ILDR2: variants seen among roughly 807,000 people sequenced by gnomAD.
ILDR2 encodes the protein immunoglobulin like domain containing receptor 2, also known as immunoglobulin-like domain-containing receptor 2.
ILDR2 carries 25 observed loss-of-function variants against 66.8 expected under a neutral mutation model. The ratio of observed to expected loss-of-function variants is 0.37; its 90% CI spans 0.27 to 0.52. The LOEUF is 0.52. Ranked by LOEUF, ILDR2 falls within the 20% of genes least tolerant of loss-of-function variation. The probability of loss-of-function intolerance (pLI) is 0.88; values close to 1 mark genes in which losing one functional copy is unlikely to be tolerated. For synonymous variants in ILDR2, 367 were observed against 357.2 expected, an observed-to-expected ratio of 1.03 and a Z score of -0.31; for missense variants, 827 against 876.8, an observed-to-expected ratio of 0.94 and a Z score of 0.72.
rs1659407969 is a variant in ILDR2, at chr1:166,909,125, T to G, written c.*10230A>C. The G allele has an allele frequency of 6.6e-6, 1 of 152,220 alleles. No individual in the cohort carries two copies. Among genetic ancestry groups the G allele is most frequent in the Non-Finnish European group, 1.5e-5 (1 of 68,040 alleles). 9.4% of individuals were successfully genotyped at this position (152,220 alleles called of 1,614,324 possible). A position where few individuals can be genotyped will look rare whatever the true frequency, so the allele number is the denominator to read the frequency against. On this transcript the variant is annotated 3_prime_UTR_variant, in exon 10 of 10. Coordinates refer to ENST00000271417, the MANE Select transcript of ILDR2 (RefSeq NM_199351.3). The stretch of plus-strand genomic sequence containing the variant: ...CTTGCCACATCTCTGGCCACATGAT[T>G]AGCTCAGATATGGGCACATGACTCA...
intron 4 of ILDR2, among the ~76,000 whole-genome samples, chr1:166,937,288 T>A (rs1307560368): frequency 1.3e-5 from 2 of 152,236 alleles, no homozygotes; most frequent in Non-Finnish European, 1.5e-5. Flanking sequence ...CTGCTTTCCC[T>A]GCTGACTGTC....
rs572791487 is a variant in ILDR2 at position 166,964,542 on chromosome 1, C to T, written c.47-6441G>A. 5.9e-5 allele frequency among the ~76,000 whole-genome samples: 9 copies of T among 152,234 alleles called. 1 individual carries two copies. Among genetic ancestry groups the T allele is most frequent in the South Asian group, 2.1e-4 (1 of 4,816 alleles). ...AATGAATTAATGAATGAATGAAAAC[C>T]GAACCTGTGAGTCTGAGGGGCCTTT... On this transcript the variant is annotated intron_variant, in intron 1 of 9. Transcript: ENST00000271417.
rs1032999574 is a variant in ILDR2 at position 166,921,486 on chromosome 1, G to A, written c.1212-107C>T. ...CCTGGGGCCACGCTCAGGAGACCTC[G>A]GCCTGAGCCTCAGCTCCGCTCCAGG... On this transcript the variant is annotated intron_variant, in intron 8 of 9. Transcript: ENST00000271417. The surrounding 1 kb of genome is among the most constrained non-coding windows in gnomAD (Gnocchi z 5.3). 1.6e-4 allele frequency: 146 copies of A among 919,426 alleles called. No individual in the cohort carries two copies. The East Asian group carries it at 3.8e-3, about 24-fold the overall frequency. 57.0% of individuals were successfully genotyped at this position (919,426 alleles called of 1,614,324 possible). A position where few individuals can be genotyped will look rare whatever the true frequency, so the allele number is the denominator to read the frequency against.
chr1:166,909,924 C>G lies in ILDR2; in HGVS notation c.*9431G>C, dbSNP rs2101822361. 6.6e-6 allele frequency: 1 copy of G among 150,852 alleles called. No individual in the cohort carries two copies. The highest frequency in any genetic ancestry group is 3.4e-3 in the Middle Eastern group (1 of 294). The allele number at this position is 150,852 out of a possible 1,614,324, so 9.3% of individuals were successfully genotyped here. A position where few individuals can be genotyped will look rare whatever the true frequency, so the allele number is the denominator to read the frequency against. On this transcript the variant is annotated 3_prime_UTR_variant, in exon 10 of 10. Transcript: ENST00000271417. The stretch of plus-strand genomic sequence containing the variant: ...GTAACAAAATGTGAGAAAATATCTC[C>G]AGAGAGCAAGGATTGTTTTAAAAAA...
chr1:166,973,993 T>TG (rs1663459139), intron 1 of ILDR2, among the ~76,000 whole-genome samples: 1 of 152,152 alleles, frequency 6.6e-6, no homozygotes, highest in Non-Finnish European at 1.5e-5. Context: ...CTAAGGGAAA[T>TG]GGGGTATTTG....
intron 6 of ILDR2, among the ~76,000 whole-genome samples, chr1:166,931,804 A>T (rs1660653713): frequency 6.6e-6 from 1 of 152,236 alleles, no homozygotes; most frequent in Admixed American, 6.5e-5. Context: ...GTTTGGGCTA[A>T]AAGGTGGACA....
rs1458196467 is a variant in ILDR2, at chr1:166,913,818, A to G, written c.*5537T>C. ...TATATTACCCCTCACAGCACAGGTGATGAAAGTGAGGCTCTCAGCTGGGTT... is the reference window on the plus strand; with the variant it reads ...TATATTACCCCTCACAGCACAGGTGGTGAAAGTGAGGCTCTCAGCTGGGTT... On this transcript the variant is annotated 3_prime_UTR_variant, in exon 10 of 10. Transcript: ENST00000271417. 6.6e-6 allele frequency: 1 copy of G among 152,156 alleles called. No individual in the cohort carries two copies. Among genetic ancestry groups the G allele is most frequent in the Non-Finnish European group, 1.5e-5 (1 of 68,042 alleles). The allele number at this position is 152,156 out of a possible 1,614,324, so 9.4% of individuals were successfully genotyped here.
rs896261943 is a variant in ILDR2 at position 166,914,978 on chromosome 1, T to C, written c.*4377A>G. ...TGGCCAGTCATCCTTATGATTTGTA[T>C]GCTTTATAAAATGATTGAGTTTTTC... On this transcript the variant is annotated 3_prime_UTR_variant, in exon 10 of 10. Coordinates refer to ENST00000271417, the MANE Select transcript of ILDR2 (RefSeq NM_199351.3). 7 of 152,262 alleles carry C rather than the reference T, an allele frequency of 4.6e-5. No individual in the cohort carries two copies. The highest frequency in any genetic ancestry group is 1.7e-4 in the African/African-American group (7 of 41,470). The allele number at this position is 152,262 out of a possible 1,614,324, so 9.4% of individuals were successfully genotyped here.
chr1:166,916,309 A>G lies in ILDR2; in HGVS notation c.*3046T>C, dbSNP rs1376108898. On this transcript the variant is annotated 3_prime_UTR_variant, in exon 10 of 10. Coordinates refer to ENST00000271417, the MANE Select transcript of ILDR2 (RefSeq NM_199351.3). The stretch of plus-strand genomic sequence containing the variant: ...ATGGACAAACACATACAACACTTTA[A>G]TATCAAAGTATTCTCATTTTTTAAA... 6.6e-6 allele frequency: 1 copy of G among 152,216 alleles called. No homozygotes were observed. Among genetic ancestry groups the G allele is most frequent in the Non-Finnish European group, 1.5e-5 (1 of 68,030 alleles). 9.4% of individuals were successfully genotyped at this position (152,216 alleles called of 1,614,324 possible).
Position 166,948,933 on chromosome 1 carries a change from A to C in ILDR2, c.499+7800T>G, listed in dbSNP as rs78283259. Among the ~76,000 whole-genome samples the C allele has an allele frequency of 2.7e-3, 416 of 152,192 alleles. 1 individual carries two copies. Among genetic ancestry groups the C allele is most frequent in the African/African-American group, 9.8e-3 (405 of 41,536 alleles). ...ATAGGTCTTCCGTGTAAATTTTATT[A>C]CCCCTCCCCATTTATTCAGCTAAGG... On this transcript the variant is annotated intron_variant, in intron 3 of 9. Transcript: ENST00000271417.
exon 3 of ILDR2, chr1:166,895,858 A>G (rs1202171325): frequency 6.6e-6 from 1 of 152,230 alleles, no homozygotes; most frequent in Admixed American, 6.5e-5. Flanking sequence ...AAAATTGTAT[A>G]ATCTAATGCC....
At position 166,936,732 on chromosome 1, in the gene ILDR2, C is replaced by T. The variant is rs1388526564; in HGVS notation, c.562G>A (p.Val188Met). 1 of 1,614,028 alleles carries T rather than the reference C, an allele frequency of 6.2e-7. No homozygotes were observed. The highest frequency in any genetic ancestry group is 1.1e-5 in the South Asian group (1 of 91,050). ...SFAVEIMPEWVFVGLVLLGVF... is the reference protein window; with the variant it reads ...SFAVEIMPEWMFVGLVLLGVF... ...CCCAGGAGCACCAGGCCAACAAACACCCACTCTGGAAGGATGCACAAAGAA... is the reference window on the plus strand; with the variant it reads ...CCCAGGAGCACCAGGCCAACAAACATCCACTCTGGAAGGATGCACAAAGAA... Residue 188 changes from valine to methionine, a missense_variant, in exon 5 of 10, where the codon GTG becomes ATG. This residue lies in a region of ILDR2 where 437 missense variants were observed against 523.2 expected (regional missense o/e 0.84). Coordinates refer to ENST00000271417, the MANE Select transcript of ILDR2 (RefSeq NM_199351.3). The surrounding 1 kb of genome is among the most constrained non-coding windows in gnomAD (Gnocchi z 5.0).
chr1:166,959,342 C>T (rs2101988155), intron 1 of ILDR2, among the ~76,000 whole-genome samples: 1 of 152,308 alleles, frequency 6.6e-6, no homozygotes, highest in South Asian at 2.1e-4. Context: ...TGGAAGGTAT[C>T]TTCCCTTGCT....
chr1:166,901,800 A>C (rs1191646624), intron 2 of ILDR2, among the ~76,000 whole-genome samples: 1 of 152,248 alleles, frequency 6.6e-6, no homozygotes, highest in Non-Finnish European at 1.5e-5. Flanking sequence ...GTGTTAACAA[A>C]ATACAGCCAC....
intron 7 of ILDR2, among the ~76,000 whole-genome samples, chr1:166,925,460 C>T (rs908146861): frequency 1.2e-4 from 18 of 152,154 alleles, no homozygotes; most frequent in Non-Finnish European, 1.6e-4. Context: ...GTGAAGGGGA[C>T]GGATTCAACA....
rs1659566292 is a variant in ILDR2 at position 166,914,389 on chromosome 1, C to G, written c.*4966G>C. ...TTAAGGAATTGGAAAGGACACCAGA[C>G]AAGACAGTCAGAAGGCCTGGCTTTA... On this transcript the variant is annotated 3_prime_UTR_variant, in exon 10 of 10. Coordinates refer to ENST00000271417, the MANE Select transcript of ILDR2 (RefSeq NM_199351.3). 6.6e-6 allele frequency: 1 copy of G among 152,176 alleles called. No homozygotes were observed. Among genetic ancestry groups the G allele is most frequent in the Admixed American group, 6.5e-5 (1 of 15,282 alleles). The allele number at this position is 152,176 out of a possible 1,614,324, so 9.4% of individuals were successfully genotyped here. A position where few individuals can be genotyped will look rare whatever the true frequency, so the allele number is the denominator to read the frequency against.
At chr1:166,901,603 T>G (rs1345442853) in intron 2 of ILDR2, among the ~76,000 whole-genome samples, 1 of 152,188 alleles carries the variant, frequency 6.6e-6, no homozygotes, top group Admixed American at 6.5e-5. Context: ...GGCTGATTTC[T>G]CAAATGTTAT....
intron 3 of ILDR2, among the ~76,000 whole-genome samples, chr1:166,956,060 T>C (rs1662261888): frequency 6.6e-6 from 1 of 152,220 alleles, no homozygotes; most frequent in South Asian, 2.1e-4. Flanking sequence ...CCACTGACAT[T>C]CCTCCAATCC....
At position 166,927,328 on chromosome 1, in the gene ILDR2, A is replaced by T. The variant is rs1660359333; in HGVS notation, c.881-148T>A. ...CAGAAATAACGATCTATATTTATACATATGGGACCATATCTGTGATCCCCT... is the reference window on the plus strand; with the variant it reads ...CAGAAATAACGATCTATATTTATACTTATGGGACCATATCTGTGATCCCCT... On this transcript the variant is annotated intron_variant, in intron 6 of 9. Coordinates refer to ENST00000271417, the MANE Select transcript of ILDR2 (RefSeq NM_199351.3). The T allele has an allele frequency of 1.0e-5, 6 of 576,680 alleles. No individual in the cohort carries two copies. The South Asian group carries it at 1.4e-4, about 14-fold the overall frequency. The allele number at this position is 576,680 out of a possible 1,614,324, so 35.7% of individuals were successfully genotyped here.
Sources: allele counts gnomAD v4.1 joint callset (sites outside exome capture counted in the v4.1 genomes callset), GRCh38; gene constraint gnomAD v4.1.1; regional missense constraint gnomAD v4.1.1; non-coding constraint Gnocchi (gnomAD v3.1); transcripts MANE v1.5; gene names NCBI Gene and HGNC (gene_info 2026-07-23, HGNC 2026-07-21).